USP22: variants seen among roughly 807,000 people sequenced by gnomAD.
USP22 encodes the protein ubiquitin specific peptidase 22.
Under a neutral mutation model 68.1 loss-of-function variants are expected in USP22, and 22 were observed. The observed-to-expected ratio is 0.32, with a 90% CI of 0.23 to 0.46. USP22 has a LOEUF of 0.46. Ranked by LOEUF, USP22 falls within the 20% of genes least tolerant of loss-of-function variation. The probability of loss-of-function intolerance (pLI) is 1.00; values close to 1 mark genes in which losing one functional copy is unlikely to be tolerated. For missense variants in USP22, 433 were observed against 695.8 expected (o/e 0.62, Z 4.25); for synonymous variants, 279 against 274.2 (o/e 1.02, Z -0.17).
At chr17:21,016,272 C>T (rs1338574991) in intron 5 of USP22, among the ~76,000 whole-genome samples, 2 of 152,194 alleles carry the variant, frequency 1.3e-5, no homozygotes, top group African/African-American at 4.8e-5. Context: ...CAAAGGGAAG[C>T]ACATCACTGT....
At chr17:21,022,574 C>A in intron 2 of USP22, among the ~76,000 whole-genome samples, 1 of 151,968 alleles carries the variant, frequency 6.6e-6, no homozygotes, top group Non-Finnish European at 1.5e-5. Flanking sequence ...CCGAGGCAGG[C>A]AGATCACGAG....
intron 12 of USP22, among the ~76,000 whole-genome samples, chr17:21,003,757 A>C (rs1913675907): frequency 6.6e-6 from 1 of 151,806 alleles, no homozygotes; most frequent in East Asian, 1.9e-4. Context: ...AAAAGTAGGC[A>C]GGCGTGATGG....
At chr17:21,022,197 TA>T (rs1171768564) in intron 2 of USP22, among the ~76,000 whole-genome samples, 1 of 152,230 alleles carries the variant, frequency 6.6e-6, no homozygotes, top group Non-Finnish European at 1.5e-5. Flanking sequence ...TTCAATTTTC[TA>T]AAACAGTCAC....
intron 1 of USP22, chr17:21,042,353 G>C (rs867864951): frequency 1.5e-4 from 26 of 170,536 alleles, no homozygotes; most frequent in African/African-American, 8.3e-4. Flanking sequence ...GGAGGGCGGA[G>C]AGAAAGGAGG....
At chr17:21,026,678 ACT>A (rs1491047459) in intron 2 of USP22, among the ~76,000 whole-genome samples, 1 of 151,222 alleles carries the variant, frequency 6.6e-6, no homozygotes, top group Non-Finnish European at 1.5e-5. Context: ...AATCAGACAC[ACT>A]GTGTCCAGGC....
intron 2 of USP22, among the ~76,000 whole-genome samples, chr17:21,022,471 G>A (rs1298136794): frequency 2.0e-5 from 3 of 152,140 alleles, no homozygotes; most frequent in African/African-American, 7.2e-5. Context: ...CTGAGTGCCT[G>A]AAAAAAGGTA....
At chr17:21,023,614 C>T (rs574783144) in intron 2 of USP22, among the ~76,000 whole-genome samples, 3 of 144,474 alleles carry the variant, frequency 2.1e-5, no homozygotes, top group Non-Finnish European at 4.5e-5. Context: ...CACTGCACTC[C>T]AGCCTGGGCG....
intron 7 of USP22, 131 bp from the exon 8 acceptor site, chr17:21,011,440 G>A (rs1913967501): frequency 2.5e-6 from 3 of 1,220,970 alleles, no homozygotes; most frequent in Non-Finnish European, 3.4e-6. Flanking sequence ...CAGGTGGGAT[G>A]GGGCAGGAGC....
In USP22 at chr17:21,030,572, C is replaced by A. The variant is rs187470785; in HGVS notation, c.172-1898G>T. Among the ~76,000 whole-genome samples, 8 of 152,330 alleles carry A rather than the reference C, an allele frequency of 5.3e-5. No homozygotes were observed. The East Asian group carries it at 1.3e-3, about 26-fold the overall frequency. On this transcript the variant is annotated intron_variant, in intron 1 of 12. Coordinates refer to ENST00000261497, the MANE Select transcript of USP22 (RefSeq NM_015276.2). ...AAACTTATCCCCACCACAGAGCAGG[C>A]AAGTGCAGAGAACAACATGGCGGCG...
Position 21,042,860 on chromosome 17 carries a change from G to T in USP22, c.-25C>A. On this transcript the variant is annotated 5_prime_UTR_variant, in exon 1 of 13. Transcript: ENST00000261497. ...TGGGGGGCAAGGCCCGGCCGCGCGC[G>T]GGGGGCGGCGGCGAGGGAGGCGAGG... 1 of 1,239,706 alleles carries T rather than the reference G, an allele frequency of 8.1e-7. No individual in the cohort carries two copies. 76.8% of individuals were successfully genotyped at this position (1,239,706 alleles called of 1,614,324 possible).
chr17:21,030,621 C>A (rs1027581580), intron 1 of USP22, among the ~76,000 whole-genome samples: 1 of 152,170 alleles, frequency 6.6e-6, no homozygotes, highest in African/African-American at 2.4e-5. Flanking sequence ...CAGACCAACA[C>A]GACCCATCTG....
chr17:21,002,576 C>T lies in USP22; in HGVS notation c.*455G>A, dbSNP rs186332555. The T allele has an allele frequency of 2.5e-4, 42 of 166,222 alleles. No homozygotes were observed. Among genetic ancestry groups the T allele is most frequent in the African/African-American group, 9.6e-4 (40 of 41,838 alleles). The allele number at this position is 166,222 out of a possible 1,614,324, so 10.3% of individuals were successfully genotyped here. A position where few individuals can be genotyped will look rare whatever the true frequency, so the allele number is the denominator to read the frequency against. Reference sequence around the variant, plus strand: ...CCGTATTTTAACACTAAAACACCAACAGAAAGGCATCTGCAAGGCCCTCTG... The same window carrying T: ...CCGTATTTTAACACTAAAACACCAATAGAAAGGCATCTGCAAGGCCCTCTG... On this transcript the variant is annotated 3_prime_UTR_variant, in exon 13 of 13. Coordinates refer to ENST00000261497, the MANE Select transcript of USP22 (RefSeq NM_015276.2).
intron 1 of USP22, among the ~76,000 whole-genome samples, chr17:21,029,383 T>C (rs1398245636): frequency 3.3e-5 from 5 of 152,316 alleles, no homozygotes; most frequent in East Asian, 1.9e-4. Context: ...TAAGTCCAGA[T>C]TGATAAACAT....
intron 11 of USP22, among the ~76,000 whole-genome samples, chr17:21,004,690 T>A (rs1325524040): frequency 1.3e-5 from 2 of 152,026 alleles, no homozygotes; most frequent in Non-Finnish European, 2.9e-5. Flanking sequence ...GGAACCTCCC[T>A]CCTGCCAGAG....
intron 4 of USP22, chr17:21,018,441 G>GT (rs5819721): frequency 0.75 from 146,524 of 195,650 alleles, 55,550 homozygotes; most frequent in South Asian, 0.82. Flanking sequence ...CTAGGGCCAG[G>GT]GCAGGGGCTC....
rs778758482 is a variant in USP22 at position 21,042,690 on chromosome 17, C to T, written c.146G>A (p.Gly49Asp). Residue 49 changes from glycine (G) to aspartate (D), a missense_variant, in exon 1 of 13, where the codon GGC (glycine) becomes GAC (aspartate). Coordinates refer to ENST00000261497, the MANE Select transcript of USP22 (RefSeq NM_015276.2). ...CTTGCGCTTGCGGGCCTCAGCCGTG[C>T]CGCTCCACACGAAGCACTGGTAGAT... Reference protein sequence around the residue: ...RAIYQCFVWSGTAEARKRKAK... With the variant: ...RAIYQCFVWSDTAEARKRKAK... 2.9e-6 allele frequency: 4 copies of T among 1,367,436 alleles called. No individual in the cohort carries two copies. The highest frequency in any genetic ancestry group is 1.6e-5 in the South Asian group (1 of 61,470). The allele number at this position is 1,367,436 out of a possible 1,614,324, so 84.7% of individuals were successfully genotyped here.
chr17:21,018,377 G>T, intron 4 of USP22: 1 of 329,440 alleles, frequency 3.0e-6, no homozygotes, highest in Non-Finnish European at 5.6e-6. Context: ...TACGACAACA[G>T]GCCAGGTCAG....
rs752952395 is a variant in USP22 at position 21,012,951 on chromosome 17, G to T, written c.839-16C>A. On this transcript the variant is annotated splice_polypyrimidine_tract_variant and intron_variant, in intron 6 of 12. Transcript: ENST00000261497. ...TTGTCATCACCTGGAGACAGACCACGGCTCTGGGATTAGTGTCTCCCCAAA... is the reference window on the plus strand; with the variant it reads ...TTGTCATCACCTGGAGACAGACCACTGCTCTGGGATTAGTGTCTCCCCAAA... 2 of 1,611,144 alleles carry T rather than the reference G, an allele frequency of 1.2e-6. No homozygotes were observed. Among genetic ancestry groups the T allele is most frequent in the South Asian group, 1.1e-5 (1 of 90,988 alleles).
In USP22 at chr17:21,042,759, A is replaced by C; in HGVS notation, c.77T>G (p.Leu26Arg). The change falls in exon 1 of 13, where the codon CTG (leucine) becomes CGG (arginine). Residue 26 changes from leucine to arginine, a missense_variant. Physicochemically the swap from Leu to Arg is moderately radical, Grantham distance 102. Around this residue, in one of 4 missense-constraint regions of USP22, gnomAD observed 110 missense variants for 89.9 expected, o/e 1.22. Transcript: ENST00000261497. ...LAVAPPGCSH[L>R]GSFKVDNWKQ... ...CCAGTTGTCCACCTTGAAGCTGCCC[A>C]GGTGCGAGCAGCCCGGCGGCGCTAC... is the stretch of plus-strand genomic sequence containing the variant. The C allele has an allele frequency of 6.7e-7, 1 of 1,498,066 alleles. No homozygotes were observed. Among genetic ancestry groups the C allele is most frequent in the South Asian group, 1.3e-5 (1 of 79,098 alleles). 92.8% of individuals were successfully genotyped at this position (1,498,066 alleles called of 1,614,324 possible).
Sources: gnomAD v4.1 joint callset for allele counts (sites outside exome capture counted in the v4.1 genomes callset) on GRCh38, gnomAD v4.1.1 for gene constraint, gnomAD v4.1.1 regional missense constraint, MANE v1.5 for transcripts, NCBI Gene and HGNC (gene_info 2026-07-23, HGNC 2026-07-21) for gene names.